Variants in PWP1 observed in about 807,000 individuals in gnomAD.
The protein encoded by PWP1 is PWP1 homolog, endonuclein.
PWP1 carries 47 observed loss-of-function variants against 69.9 expected under a neutral mutation model. The observed-to-expected ratio is 0.67, with a 90% confidence interval of 0.53 to 0.86. The LOEUF (loss-of-function observed/expected upper bound fraction) is 0.86. Ranked by LOEUF, PWP1 falls within the 40% of genes least tolerant of loss-of-function variation. The probability of loss-of-function intolerance (pLI) is 0.00; values close to 1 mark genes in which losing one functional copy is unlikely to be tolerated. For missense variants in PWP1, 551 were observed against 608.8 expected, an observed-to-expected ratio of 0.91 and a Z score of 1.00; for synonymous variants, 222 against 208.2, an observed-to-expected ratio of 1.07 and a Z score of -0.57.
chr12:107,707,778 G>T (rs1416877670), intron 11 of PWP1, among the ~76,000 whole-genome samples: 1 of 152,096 alleles, frequency 6.6e-6, no homozygotes, highest in African/African-American at 2.4e-5. Context: ...TAAGCTTTTT[G>T]ATGTGCTGCT....
At chr12:107,707,388 T>G (rs1426684534) in intron 11 of PWP1, among the ~76,000 whole-genome samples, 1 of 152,214 alleles carries the variant, frequency 6.6e-6, no homozygotes, top group Non-Finnish European at 1.5e-5. Flanking sequence ...TACCCTTTAT[T>G]TCTTTCTCCT....
intron 3 of PWP1, among the ~76,000 whole-genome samples, chr12:107,690,160 A>G (rs940426417): frequency 1.3e-5 from 2 of 152,210 alleles, no homozygotes; most frequent in African/African-American, 4.8e-5. Flanking sequence ...TCTTAATACA[A>G]ATGTTATCTG....
chr12:107,703,539 G>GC (rs2136282529), intron 9 of PWP1, 146 bp from the exon 10 acceptor site: 2 of 689,646 alleles, frequency 2.9e-6, no homozygotes, highest in African/African-American at 3.6e-5. Flanking sequence ...CTTTGATTAT[G>GC]CAGTACATTT....
chr12:107,688,554 TG>T (rs1294689276), intron 2 of PWP1, 48 bp downstream of exon 2: 1 of 1,610,018 alleles, frequency 6.2e-7, no homozygotes, highest in Non-Finnish European at 8.5e-7. Flanking sequence ...ATGATGACCA[TG>T]TGGTCTTGTT....
intron 13 of PWP1, 83 bp from the exon 14 acceptor site, chr12:107,710,322 G>A: frequency 6.5e-7 from 1 of 1,544,554 alleles, no homozygotes; most frequent in Non-Finnish European, 8.7e-7. Flanking sequence ...TTAAATCATA[G>A]ATTCTTAGAG....
intron 14 of PWP1, among the ~76,000 whole-genome samples, chr12:107,710,806 G>A (rs1673970530): frequency 6.6e-6 from 1 of 152,212 alleles, no homozygotes; most frequent in South Asian, 2.1e-4. Flanking sequence ...CAGGAAGATA[G>A]CAAAAGTAGT....
chr12:107,708,378 T>C (rs1032057031), intron 11 of PWP1, among the ~76,000 whole-genome samples: 5 of 152,132 alleles, frequency 3.3e-5, no homozygotes, highest in Admixed American at 2.6e-4. Flanking sequence ...CAGGCTCAGG[T>C]TTCTGTCTCC....
chr12:107,702,040 C>G (rs1343864218), intron 8 of PWP1, among the ~76,000 whole-genome samples: 2 of 152,158 alleles, frequency 1.3e-5, no homozygotes, highest in African/African-American at 4.8e-5. Flanking sequence ...TGTCAAAAAC[C>G]AGTGACTATA....
chr12:107,694,549 C>T (rs373564146), intron 5 of PWP1, among the ~76,000 whole-genome samples: 10 of 152,202 alleles, frequency 6.6e-5, no homozygotes, highest in East Asian at 3.8e-4. Flanking sequence ...TCTGTTTATG[C>T]ATAGCAGGCA....
intron 7 of PWP1, among the ~76,000 whole-genome samples, chr12:107,699,115 T>C (rs1889652180): frequency 1.3e-5 from 2 of 151,970 alleles, no homozygotes; most frequent in Non-Finnish European, 2.9e-5. Context: ...AAAAATTAGC[T>C]GGGCATGGTG....
chr12:107,685,945 G>C lies in PWP1; in HGVS notation c.46G>C (p.Gly16Arg). ...GACGTGCGTGGCCTGGGTCCGCTGCGGCGTGGCCAAAGAGACACCAGACAA... is the reference window on the plus strand; with the variant it reads ...GACGTGCGTGGCCTGGGTCCGCTGCCGCGTGGCCAAAGAGACACCAGACAA... ...QVTCVAWVRC[G>R]VAKETPDKVE... Residue 16 changes from glycine to arginine, a missense_variant, in exon 1 of 15, where the codon GGC becomes CGC. Gly to Arg is a moderately radical substitution (Grantham distance 125, BLOSUM62 -2). Transcript: ENST00000412830. 2 of 1,613,944 alleles carry C rather than the reference G, an allele frequency of 1.2e-6. No individual in the cohort carries two copies. Among genetic ancestry groups the C allele is most frequent in the Non-Finnish European group, 1.7e-6 (2 of 1,179,974 alleles).
chr12:107,688,093 A>C (rs917178749), intron 1 of PWP1, among the ~76,000 whole-genome samples: 3 of 147,676 alleles, frequency 2.0e-5, no homozygotes, highest in African/African-American at 7.4e-5. Context: ...TGATTTGTTA[A>C]GGAATGCCCA....
At chr12:107,692,212 T>C (rs898438714) in intron 3 of PWP1, among the ~76,000 whole-genome samples, 4 of 152,250 alleles carry the variant, frequency 2.6e-5, no homozygotes, top group Admixed American at 2.0e-4. Context: ...AACAATTCAG[T>C]GTATCTTCCT....
chr12:107,703,693 A>G lies in PWP1; in HGVS notation c.912A>G (p.Thr304=). The G allele has an allele frequency of 6.2e-7, 1 of 1,606,012 alleles. No homozygotes were observed. The highest frequency in any genetic ancestry group is 8.5e-7 in the Non-Finnish European group (1 of 1,172,698). Residue 304 remains threonine (T), a synonymous_variant, in exon 10 of 15, where the codon ACA becomes ACG. Transcript: ENST00000412830. ...SLAVHTDKVQ[T]LQFHPFEAQT... ...ATGTTTCCTCCCTTTAGGTCCAAAC[A>G]CTGCAGTTTCATCCATTTGAAGCAC...
intron 3 of PWP1, among the ~76,000 whole-genome samples, chr12:107,691,618 T>C (rs1184785927): frequency 1.3e-5 from 2 of 152,114 alleles, no homozygotes; most frequent in Non-Finnish European, 2.9e-5. Flanking sequence ...GCTGGGAGTT[T>C]AGCATCATCC....
In PWP1 at chr12:107,703,020, C is replaced by T. The variant is rs1363232224; in HGVS notation, c.892C>T (p.His298Tyr). The T allele has an allele frequency of 1.3e-6, 2 of 1,598,900 alleles. No individual in the cohort carries two copies. The highest frequency in any genetic ancestry group is 1.1e-5 in the South Asian group (1 of 90,782). ...LGKPAASLAV[H>Y]TDKVQTLQFH... ...GAAACCAGCAGCTAGCCTCGCTGTACACACAGACAAGGTATGGTGATTTAG... is the reference window on the plus strand; with the variant it reads ...GAAACCAGCAGCTAGCCTCGCTGTATACACAGACAAGGTATGGTGATTTAG... Residue 298 changes from histidine (H) to tyrosine (Y), a missense_variant, in exon 9 of 15, where the codon CAC becomes TAC. His to Tyr is a moderately conservative substitution (Grantham distance 83). Coordinates refer to ENST00000412830, the MANE Select transcript of PWP1 (RefSeq NM_007062.3).
intron 5 of PWP1, 72 bp from the exon 6 acceptor site, chr12:107,696,402 T>C: frequency 6.4e-7 from 1 of 1,566,894 alleles, no homozygotes; most frequent in Non-Finnish European, 8.6e-7. Flanking sequence ...ATAGAATTTG[T>C]TTTTTTGAGC....
chr12:107,708,044 A>G lies in PWP1; in HGVS notation c.1078-882A>G, dbSNP rs191117491. Among the ~76,000 whole-genome samples the G allele has an allele frequency of 1.1e-3, 163 of 152,308 alleles. 1 individual carries two copies. The highest frequency in any genetic ancestry group is 3.5e-4 in the Non-Finnish European group (24 of 68,012). On this transcript the variant is annotated intron_variant, in intron 11 of 14. Transcript: ENST00000412830. ...AATTCTGCACGATTAGTAGAGGTGC[A>G]TGCTGTTCTAGCCAGGCAGCCTGAA...
chr12:107,700,537 C>A (rs774674351), intron 8 of PWP1, among the ~76,000 whole-genome samples: 73 of 152,272 alleles, frequency 4.8e-4, no homozygotes, highest in Non-Finnish European at 7.9e-4. Flanking sequence ...AAATAATATT[C>A]CATTGTATGT....
Sources: allele counts gnomAD v4.1 joint callset (sites outside exome capture counted in the v4.1 genomes callset), GRCh38; gene constraint gnomAD v4.1.1; transcripts MANE v1.5; gene names NCBI Gene and HGNC (gene_info 2026-07-23, HGNC 2026-07-21).